Variants in SCAPER observed in about 807,000 individuals in gnomAD.
The protein encoded by SCAPER is S-phase cyclin A associated protein in the ER, also known as S phase cyclin A-associated protein in the endoplasmic reticulum.
In SCAPER, 98 loss-of-function variants were observed where a neutral mutation model predicts 182.2. The observed-to-expected ratio is 0.54, with a 90% confidence interval of 0.46 to 0.64. The LOEUF (loss-of-function observed/expected upper bound fraction) is 0.64. Ranked by LOEUF, SCAPER falls within the 30% of genes least tolerant of loss-of-function variation. The probability of loss-of-function intolerance (pLI) is 0.00; values close to 1 mark genes in which losing one functional copy is unlikely to be tolerated. For missense variants in SCAPER, 1,432 were observed against 1,690.0 expected (o/e 0.85, Z 2.68); for synonymous variants, 605 against 564.6 (o/e 1.07, Z -1.01).
At chr15:76,748,298 G>C (rs2151160913) in intron 15 of SCAPER, among the ~76,000 whole-genome samples, 1 of 152,016 alleles carries the variant, frequency 6.6e-6, no homozygotes, top group East Asian at 1.9e-4. Flanking sequence ...CCGAAATATG[G>C]ATATTCTTAT....
At chr15:76,529,088 T>C (rs745668028) in intron 23 of SCAPER, among the ~76,000 whole-genome samples, 4 of 152,160 alleles carry the variant, frequency 2.6e-5, no homozygotes, top group Non-Finnish European at 4.4e-5. Context: ...CTGCTGCCCA[T>C]GGGGGAGTGC....
chr15:76,799,514 C>T (rs916983404), intron 7 of SCAPER, among the ~76,000 whole-genome samples: 6 of 152,124 alleles, frequency 3.9e-5, no homozygotes, highest in Admixed American at 3.3e-4. Flanking sequence ...CCTCCCACCT[C>T]GGCTCCCCAA....
intron 17 of SCAPER, among the ~76,000 whole-genome samples, chr15:76,727,193 A>G (rs1436910744): frequency 6.6e-6 from 1 of 152,096 alleles, no homozygotes; most frequent in African/African-American, 2.4e-5. Flanking sequence ...ATCAATCTTA[A>G]CACCTGAATT....
intron 23 of SCAPER, among the ~76,000 whole-genome samples, chr15:76,519,929 T>C (rs1450190314): frequency 2.6e-5 from 4 of 152,232 alleles, no homozygotes; most frequent in African/African-American, 9.6e-5. Flanking sequence ...GTGATACTCA[T>C]AATAGTATAC....
rs1029309017 is a variant in SCAPER at position 76,522,057 on chromosome 15, A to C, written c.2839-17083T>G. Among the ~76,000 whole-genome samples the C allele has an allele frequency of 1.6e-4, 25 of 152,188 alleles. 1 individual carries two copies. The highest frequency in any genetic ancestry group is 6.0e-4 in the African/African-American group (25 of 41,446). On this transcript the variant is annotated intron_variant, in intron 23 of 31. Transcript: ENST00000563290. The stretch of plus-strand genomic sequence containing the variant: ...CCCGCAAGAATTTAGTGTAAATTAC[A>C]CATAAAAAATCATGTAATATGTTTC...
chr15:76,387,650 C>T (rs945050460), intron 27 of SCAPER, among the ~76,000 whole-genome samples: 24 of 152,016 alleles, frequency 1.6e-4, no homozygotes, highest in African/African-American at 4.6e-4. Flanking sequence ...AAAATAGTCA[C>T]CAGTAGGGTA....
chr15:76,413,570 G>T (rs1419268334), intron 26 of SCAPER, among the ~76,000 whole-genome samples: 2 of 152,178 alleles, frequency 1.3e-5, no homozygotes, highest in Admixed American at 1.3e-4. Context: ...TTTGTATAGG[G>T]AATGGTCTTG....
intron 25 of SCAPER, chr15:76,470,992 A>C: frequency 2.9e-6 from 1 of 339,926 alleles, no homozygotes; most frequent in South Asian, 3.6e-5. Flanking sequence ...TTATCCATTA[A>C]ATATTGGAAC....
chr15:76,717,451 G>A (rs1476128160), intron 17 of SCAPER, among the ~76,000 whole-genome samples: 1 of 151,978 alleles, frequency 6.6e-6, no homozygotes, highest in Non-Finnish European at 1.5e-5. Flanking sequence ...AGTCAAAATA[G>A]TCAAAAACAA....
At chr15:76,678,679 A>C (rs978410670) in intron 20 of SCAPER, among the ~76,000 whole-genome samples, 4 of 151,154 alleles carry the variant, frequency 2.6e-5, no homozygotes, top group African/African-American at 9.7e-5. Context: ...AAGAAGAAGA[A>C]GGAAAATTGG....
intron 21 of SCAPER, among the ~76,000 whole-genome samples, chr15:76,637,537 A>C (rs2053704410): frequency 6.6e-6 from 1 of 151,612 alleles, no homozygotes; most frequent in South Asian, 2.1e-4. Flanking sequence ...CCATCTCTAC[A>C]CACAAAATTT....
intron 2 of SCAPER, among the ~76,000 whole-genome samples, chr15:76,875,928 G>A (rs1000830692): frequency 5.9e-5 from 9 of 151,572 alleles, no homozygotes; most frequent in African/African-American, 9.7e-5. Context: ...GGTGGGGGGC[G>A]GGGTCAGGCT....
At chr15:76,818,035 C>T (rs2067228266) in intron 5 of SCAPER, among the ~76,000 whole-genome samples, 1 of 152,044 alleles carries the variant, frequency 6.6e-6, no homozygotes, top group African/African-American at 2.4e-5. Context: ...CTAACACTAC[C>T]CAATGTCAAG....
rs1297253065 is a variant in SCAPER, at chr15:76,574,195, C to T, written c.2801G>A (p.Arg934Gln). The part of the protein sequence containing the change: ...WANNKVSALD[R>Q]TLGEITRILE... ...TATTCTAGTGATCTCTCCTAGGGTC[C>T]GATCCAAAGCAGACACTTTATTGTT... The change falls in exon 23 of 32, where the codon CGG (arginine) becomes CAG (glutamine). Residue 934 changes from arginine to glutamine, a missense_variant. Coordinates refer to ENST00000563290, the MANE Select transcript of SCAPER (RefSeq NM_020843.4). 7 of 1,609,390 alleles carry T rather than the reference C, an allele frequency of 4.3e-6. No individual in the cohort carries two copies. Among genetic ancestry groups the T allele is most frequent in the Non-Finnish European group, 5.9e-6 (7 of 1,177,972 alleles).
At chr15:76,737,264 G>C (rs374502579) in intron 15 of SCAPER, among the ~76,000 whole-genome samples, 23 of 152,362 alleles carry the variant, frequency 1.5e-4, no homozygotes, top group African/African-American at 5.5e-4. Flanking sequence ...TCCATGGACT[G>C]CAGAGTGGAT....
chr15:76,764,213 A>G (rs1339788511), intron 14 of SCAPER, among the ~76,000 whole-genome samples: 2 of 152,180 alleles, frequency 1.3e-5, no homozygotes, highest in East Asian at 1.9e-4. Context: ...GGGAAGTACA[A>G]CAACTCTTGG....
At chr15:76,737,019 A>G (rs1225822272) in intron 15 of SCAPER, 1 of 152,268 alleles carries the variant, frequency 6.6e-6, no homozygotes, top group African/African-American at 2.4e-5. Flanking sequence ...AACCACCAAA[A>G]ATCATCTGTG....
intron 20 of SCAPER, among the ~76,000 whole-genome samples, chr15:76,683,139 C>A (rs2057829600): frequency 6.6e-6 from 1 of 151,854 alleles, no homozygotes. Flanking sequence ...CAAAACCCAA[C>A]CCAAGTATCT....
intron 2 of SCAPER, among the ~76,000 whole-genome samples, chr15:76,874,494 AC>A (rs944789110): frequency 6.6e-6 from 1 of 152,146 alleles, no homozygotes; most frequent in African/African-American, 2.4e-5. Flanking sequence ...TAAAAAAAAA[AC>A]AAAAGTGAGT....
Sources: allele counts gnomAD v4.1 joint callset (sites outside exome capture counted in the v4.1 genomes callset), GRCh38; gene constraint gnomAD v4.1.1; transcripts MANE v1.5; gene names NCBI Gene and HGNC (gene_info 2026-07-23, HGNC 2026-07-21).